Variants in UGP2 observed in about 807,000 individuals in gnomAD.
The protein encoded by UGP2 is UDP-glucose pyrophosphorylase 2, also known as UTP--glucose-1-phosphate uridylyltransferase.
In UGP2, 40 loss-of-function variants were observed where a neutral mutation model predicts 49.0. The ratio of observed to expected loss-of-function variants is 0.82; its 90% confidence interval spans 0.63 to 1.06. The LOEUF is 1.06. Among genes scored for constraint, UGP2 ranks in the 50% least tolerant of loss-of-function variants. The pLI is 0.00. For missense variants in UGP2, 460 were observed against 603.5 expected (o/e 0.76, Z 2.49); for synonymous variants, 225 against 213.0 (o/e 1.06, Z -0.49).
At chr2:63,863,753 GTAA>G (rs985621556) in intron 3 of UGP2, among the ~76,000 whole-genome samples, 4 of 152,150 alleles carry the variant, frequency 2.6e-5, no homozygotes, top group African/African-American at 9.7e-5. Flanking sequence ...GAAGGACAAG[GTAA>G]TAACTAAGAG....
At position 63,882,501 on chromosome 2, in the gene UGP2, G is replaced by T; in HGVS notation, c.291G>T (p.Leu97Phe). The T allele has an allele frequency of 1.9e-6, 3 of 1,607,058 alleles. No individual in the cohort carries two copies. The highest frequency in any genetic ancestry group is 2.6e-6 in the Non-Finnish European group (3 of 1,175,100). ...QPYEKIKARG[L>F]PDNISSVLNK... Reference sequence around the variant, plus strand: ...ATGAAAAGATAAAGGCCAGGGGCTTGCCTGATAATATATCTTCCGTGTTGA... The same window carrying T: ...ATGAAAAGATAAAGGCCAGGGGCTTTCCTGATAATATATCTTCCGTGTTGA... The change falls in exon 4 of 10, where the codon TTG (leucine) becomes TTT (phenylalanine). Residue 97 changes from leucine (L) to phenylalanine (F), a missense_variant. By Grantham distance (22) the Leu-to-Phe change is conservative. Around this residue, in one of 2 missense-constraint regions of UGP2, gnomAD observed 143 missense variants for 130.4 expected, o/e 1.10. Coordinates refer to ENST00000337130, the MANE Select transcript of UGP2 (RefSeq NM_006759.4).
chr2:63,884,993 C>CTTTTTTTTTTTTTTT (rs528966512), intron 5 of UGP2, among the ~76,000 whole-genome samples: 2 of 23,148 alleles, frequency 8.6e-5, no homozygotes, highest in Non-Finnish European at 1.5e-4. Context: ...CCCATGGTTA[C>CTTTTTTTTTTTTTTT]TTTTTTTTTT....
chr2:63,878,656 G>A (rs1001513242), intron 3 of UGP2, among the ~76,000 whole-genome samples: 1 of 152,140 alleles, frequency 6.6e-6, no homozygotes, highest in Non-Finnish European at 1.5e-5. Flanking sequence ...AGCCTCTCAG[G>A]CTCAAGCAGT....
chr2:63,869,848 A>G (rs1347394613), intron 3 of UGP2, among the ~76,000 whole-genome samples: 2 of 152,138 alleles, frequency 1.3e-5, no homozygotes, highest in Non-Finnish European at 2.9e-5. Context: ...GGACTCATCC[A>G]TCACTGGAAA....
rs540079925 is a variant in UGP2 at position 63,843,701 on chromosome 2, T to A, written c.19+1497T>A. On this transcript the variant is annotated intron_variant, in intron 1 of 9. Coordinates refer to ENST00000337130, the MANE Select transcript of UGP2 (RefSeq NM_006759.4). ...TCATTACTTTGTCATCCACTTTTTT[T>A]AAAAAAACTTTTTATATTTTGGAAT... is the stretch of plus-strand genomic sequence containing the variant. 7.2e-4 allele frequency among the ~76,000 whole-genome samples: 109 copies of A among 152,298 alleles called. 1 individual carries two copies. The highest frequency in any genetic ancestry group is 2.3e-3 in the African/African-American group (94 of 41,558).
intron 3 of UGP2, among the ~76,000 whole-genome samples, chr2:63,880,372 C>T (rs1384425395): frequency 2.0e-5 from 3 of 151,980 alleles, no homozygotes; most frequent in African/African-American, 4.8e-5. Context: ...CGGGGTTTCA[C>T]CATGTTGCCC....
At chr2:63,886,216 A>G in intron 6 of UGP2, 125 bp from the exon 7 acceptor site, 1 of 990,502 alleles carries the variant, frequency 1.0e-6, no homozygotes, top group Non-Finnish European at 1.5e-6. Context: ...TGTCCCTTTT[A>G]TGAAAATTTA....
intron 1 of UGP2, among the ~76,000 whole-genome samples, chr2:63,845,517 G>GT (rs1023378633): frequency 2.8e-5 from 3 of 106,182 alleles, no homozygotes; most frequent in African/African-American, 9.8e-5. Context: ...GTGTTATTAT[G>GT]TTAAAAAAAA....
chr2:63,881,091 G>T (rs1277074386), intron 3 of UGP2, among the ~76,000 whole-genome samples: 1 of 152,162 alleles, frequency 6.6e-6, no homozygotes, highest in East Asian at 1.9e-4. Context: ...ATGTTCTTCT[G>T]TATTTACACC....
intron 3 of UGP2, among the ~76,000 whole-genome samples, chr2:63,876,007 A>AATG (rs1282782795): frequency 2.6e-5 from 4 of 151,986 alleles, no homozygotes; most frequent in African/African-American, 9.7e-5. Context: ...TGCTTGAGTA[A>AATG]ATGTCTTTGT....
intron 3 of UGP2, among the ~76,000 whole-genome samples, chr2:63,880,265 C>T (rs1575846483): frequency 6.6e-6 from 1 of 151,598 alleles, no homozygotes; most frequent in Non-Finnish European, 1.5e-5. Context: ...CCTTGACCAC[C>T]TGGGCTCAGG....
chr2:63,878,754 C>G (rs573761283), intron 3 of UGP2, among the ~76,000 whole-genome samples: 3 of 152,174 alleles, frequency 2.0e-5, no homozygotes, highest in South Asian at 4.1e-4. Flanking sequence ...TTTGTAGAGG[C>G]AAGGTCTCAC....
intron 9 of UGP2, among the ~76,000 whole-genome samples, chr2:63,890,710 A>G (rs1672069522): frequency 6.6e-6 from 1 of 152,222 alleles, no homozygotes; most frequent in Non-Finnish European, 1.5e-5. Context: ...CTAAAGACTT[A>G]AGACATGAAA....
At chr2:63,880,330 T>A (rs1384415887) in intron 3 of UGP2, among the ~76,000 whole-genome samples, 1 of 152,014 alleles carries the variant, frequency 6.6e-6, no homozygotes, top group Non-Finnish European at 1.5e-5. Flanking sequence ...TGCACCACCA[T>A]GCCTGGCTAA....
At position 63,887,593 on chromosome 2, in the gene UGP2, G is replaced by A. The variant is rs543771246; in HGVS notation, c.1263G>A (p.Lys421=). Residue 421 remains lysine, a synonymous_variant, in exon 8 of 10, where the codon AAG becomes AAA. Transcript: ENST00000337130. ...LNAGSLTMSE[K]REFPTVPLVK... is the part of the protein sequence containing the mutation. ...CAGGATCTCTGACAATGAGTGAAAAGCGGGAATTTCCTACAGTGCCCTTGG... is the reference window on the plus strand; with the variant it reads ...CAGGATCTCTGACAATGAGTGAAAAACGGGAATTTCCTACAGTGCCCTTGG... 1 of 1,614,152 alleles carries A rather than the reference G, an allele frequency of 6.2e-7. No individual in the cohort carries two copies. Among genetic ancestry groups the A allele is most frequent in the East Asian group, 2.2e-5 (1 of 44,882 alleles).
intron 3 of UGP2, among the ~76,000 whole-genome samples, chr2:63,872,668 G>T (rs976138490): frequency 4.3e-4 from 66 of 151,832 alleles, no homozygotes; most frequent in African/African-American, 1.4e-3. Flanking sequence ...ATTCATGCTG[G>T]AATTGATGTA....
intron 3 of UGP2, among the ~76,000 whole-genome samples, chr2:63,859,709 CATG>C (rs1397610257): frequency 6.6e-6 from 1 of 152,164 alleles, no homozygotes; most frequent in Non-Finnish European, 1.5e-5. Flanking sequence ...CTAGATGTAA[CATG>C]ATTTTATGCC....
chr2:63,881,873 T>C (rs892008199), intron 3 of UGP2, among the ~76,000 whole-genome samples: 1 of 152,224 alleles, frequency 6.6e-6, no homozygotes, highest in African/African-American at 2.4e-5. Flanking sequence ...GAAAGTTAAA[T>C]TCTTGAGGAA....
intron 1 of UGP2, among the ~76,000 whole-genome samples, chr2:63,850,645 A>G (rs1668986505): frequency 6.6e-6 from 1 of 152,330 alleles, no homozygotes; most frequent in Admixed American, 6.5e-5. Context: ...TGTCTAGACT[A>G]CCTATCTGTG....
Sources: allele counts gnomAD v4.1 joint callset (sites outside exome capture counted in the v4.1 genomes callset), GRCh38; gene constraint gnomAD v4.1.1; regional missense constraint gnomAD v4.1.1; transcripts MANE v1.5; gene names NCBI Gene and HGNC (gene_info 2026-07-23, HGNC 2026-07-21).